ZNF124: variants seen among roughly 807,000 people sequenced by gnomAD.
The protein encoded by ZNF124 is zinc finger protein 124.
Under a neutral mutation model 26.6 loss-of-function variants are expected in ZNF124, and 25 were observed. The ratio of observed to expected loss-of-function variants is 0.94; its 90% CI spans 0.68 to 1.31. The LOEUF (loss-of-function observed/expected upper bound fraction) is 1.31. Among genes scored for constraint, ZNF124 ranks in the 40% most tolerant of loss-of-function variants. The pLI, the probability that ZNF124 is intolerant of heterozygous loss-of-function variation, is 0.00. For missense variants in ZNF124, 444 were observed against 422.2 expected, an observed-to-expected ratio of 1.05 and a Z score of -0.45; for synonymous variants, 129 against 133.3, an observed-to-expected ratio of 0.97 and a Z score of 0.22.
intron 1 of ZNF124, among the ~76,000 whole-genome samples, chr1:247,169,663 C>T (rs1378270626): frequency 2.0e-5 from 3 of 150,052 alleles, no homozygotes; most frequent in Non-Finnish European, 4.4e-5. Flanking sequence ...CACTGCGGGG[C>T]GGGGTTTCCT....
intron 3 of ZNF124, among the ~76,000 whole-genome samples, chr1:247,142,799 C>T (rs192393881): frequency 6.7e-6 from 1 of 149,804 alleles, no homozygotes; most frequent in African/African-American, 2.4e-5. Context: ...TTCAATTCAT[C>T]TTATGTATTG....
chr1:247,165,133 AT>A (rs1295879220), intron 1 of ZNF124, among the ~76,000 whole-genome samples: 5 of 152,038 alleles, frequency 3.3e-5, no homozygotes, highest in African/African-American at 9.7e-5. Context: ...CGCCCTGCTA[AT>A]TTTTTGTATT....
intron 1 of ZNF124, 164 bp from the exon 2 acceptor site, chr1:247,159,977 TTC>T (rs150260021): frequency 0.029 from 11,434 of 400,584 alleles, 350 homozygotes; most frequent in Admixed American, 0.085. Flanking sequence ...CACATAGCAG[TTC>T]TTTTTTTTTT....
downstream of ZNF124, among the ~76,000 whole-genome samples, chr1:247,150,319 C>G (rs1429268261): frequency 6.6e-6 from 1 of 151,898 alleles, no homozygotes; most frequent in African/African-American, 2.4e-5. Flanking sequence ...GATTTCTGAC[C>G]AAAACTACCA....
At chr1:247,125,430 CT>C (rs71566695) in intron 3 of ZNF124, among the ~76,000 whole-genome samples, 2,189 of 43,134 alleles carry the variant, frequency 0.051, 1 homozygote, top group African/African-American at 0.059. Flanking sequence ...CTGTTTTTGT[CT>C]TTTTTTTTTT....
chr1:247,160,567 T>C (rs1380296684), intron 1 of ZNF124, among the ~76,000 whole-genome samples: 2 of 152,220 alleles, frequency 1.3e-5, no homozygotes, highest in Non-Finnish European at 2.9e-5. Context: ...ACCTAAGTGA[T>C]AAAAGTAGCT....
intron 1 of ZNF124, among the ~76,000 whole-genome samples, chr1:247,166,670 G>A (rs1188823282): frequency 6.6e-6 from 1 of 152,192 alleles, no homozygotes. Context: ...TTGATGAGGT[G>A]AACAAATGTC....
At chr1:247,164,589 G>GAA (rs146494922) in intron 1 of ZNF124, among the ~76,000 whole-genome samples, 44 of 145,394 alleles carry the variant, frequency 3.0e-4, no homozygotes, top group Middle Eastern at 3.5e-3. Flanking sequence ...ATGCTGCTGG[G>GAA]AAAAAAAAAA....
At chr1:247,132,397 C>T (rs1437843753) in intron 3 of ZNF124, among the ~76,000 whole-genome samples, 1 of 152,312 alleles carries the variant, frequency 6.6e-6, no homozygotes, top group East Asian at 1.9e-4. Context: ...CAAATGATCA[C>T]AACATCTCTC....
intron 3 of ZNF124, chr1:247,138,197 A>T (rs1672533780): frequency 6.6e-6 from 1 of 152,230 alleles, no homozygotes; most frequent in South Asian, 2.1e-4. Context: ...AAAGACATGG[A>T]ACCAACCCAA....
At chr1:247,172,235 G>A (rs1339994067), upstream of ZNF124, 2 of 149,744 alleles carry the variant, frequency 1.3e-5, no homozygotes, top group African/African-American at 4.9e-5. Flanking sequence ...TTGCCTAGGG[G>A]ACATTCATTT....
exon 4 of ZNF124, chr1:247,123,130 A>G (rs1248277242): frequency 6.6e-6 from 1 of 152,216 alleles, no homozygotes; most frequent in African/African-American, 2.4e-5. Context: ...AGATCACTGG[A>G]CTATTTCATC....
intron 3 of ZNF124, among the ~76,000 whole-genome samples, chr1:247,130,858 A>T (rs936685958): frequency 2.0e-5 from 3 of 152,184 alleles, no homozygotes; most frequent in African/African-American, 7.2e-5. Context: ...TGGGCAGATC[A>T]TGAGGTCAGG....
At chr1:247,172,348 A>T (rs1418045660), upstream of ZNF124, among the ~76,000 whole-genome samples, 1 of 152,188 alleles carries the variant, frequency 6.6e-6, no homozygotes, top group East Asian at 1.9e-4. Context: ...AAAATTTCAG[A>T]CTTATTAACC....
At chr1:247,134,356 AC>A (rs1201130487) in intron 3 of ZNF124, among the ~76,000 whole-genome samples, 1 of 152,178 alleles carries the variant, frequency 6.6e-6, no homozygotes, top group Non-Finnish European at 1.5e-5. Context: ...TATTCAGGAG[AC>A]CTATCTTATG....
intron 3 of ZNF124, among the ~76,000 whole-genome samples, chr1:247,148,003 C>T (rs1672831411): frequency 6.6e-6 from 1 of 152,362 alleles, no homozygotes. Flanking sequence ...ATAAGCAAGG[C>T]ACCAACACCC....
At chr1:247,138,478 T>A (rs1207966981) in intron 3 of ZNF124, 4 of 201,068 alleles carry the variant, frequency 2.0e-5, no homozygotes, top group Admixed American at 1.2e-4. Context: ...GGTTGGGGGG[T>A]GAGGGGAGGG....
intron 3 of ZNF124, among the ~76,000 whole-genome samples, chr1:247,137,990 CT>C: frequency 6.6e-6 from 1 of 152,262 alleles, no homozygotes; most frequent in Middle Eastern, 3.4e-3. Flanking sequence ...AATAGGAACG[CT>C]TTTACACTGT....
At chr1:247,150,731 A>C (rs1213073377), downstream of ZNF124, among the ~76,000 whole-genome samples, 1 of 152,024 alleles carries the variant, frequency 6.6e-6, no homozygotes, top group African/African-American at 2.4e-5. Flanking sequence ...TTGTTAGCTT[A>C]CTGGAAAAAA....
Sources: allele counts gnomAD v4.1 joint callset (sites outside exome capture counted in the v4.1 genomes callset), GRCh38; gene constraint gnomAD v4.1.1; transcripts MANE v1.5; gene names NCBI Gene and HGNC (gene_info 2026-07-23, HGNC 2026-07-21).